TMEM106C: variants seen among roughly 807,000 people sequenced by gnomAD.
TMEM106C encodes transmembrane protein 106C.
TMEM106C carries 27 observed loss-of-function variants against 30.8 expected under a neutral mutation model. The ratio of observed to expected loss-of-function variants is 0.88; its 90% CI spans 0.65 to 1.21. The LOEUF (loss-of-function observed/expected upper bound fraction) is 1.21. Among genes scored for constraint, TMEM106C ranks in the 50% most tolerant of loss-of-function variants. The pLI is 0.00. For missense variants in TMEM106C, 288 were observed against 307.8 expected (o/e 0.94, Z 0.48); for synonymous variants, 123 against 118.8 (o/e 1.04, Z -0.23).
Position 47,968,799 on chromosome 12 carries a change from G to A in TMEM106C, c.*570G>A, listed in dbSNP as rs906762223. ...AATTGTTTTTACCAAGAGTCTATGT[G>A]GGGCTTGATTCACCCTTCATCCATT... On this transcript the variant is annotated 3_prime_UTR_variant, in exon 8 of 8. Transcript: ENST00000429772. 1 of 162,102 alleles carries A rather than the reference G, an allele frequency of 6.2e-6. No individual in the cohort carries two copies. Among genetic ancestry groups the A allele is most frequent in the African/African-American group, 2.4e-5 (1 of 41,222 alleles). 10.0% of individuals were successfully genotyped at this position (162,102 alleles called of 1,614,324 possible). A position where few individuals can be genotyped will look rare whatever the true frequency, so the allele number is the denominator to read the frequency against.
Position 47,966,154 on chromosome 12 carries a change from T to A in TMEM106C, c.477T>A (p.Ile159=). The change falls in exon 5 of 8, where the codon ATT becomes ATA. Residue 159 remains isoleucine, a synonymous_variant. Coordinates refer to ENST00000429772, the MANE Select transcript of TMEM106C (RefSeq NM_001143842.2). The stretch of plus-strand genomic sequence containing the variant: ...CAGTGACCAGCCTGTCCAGCCAGAT[T>A]CAGTACATGAACACAGTGGTCAGTA... ...TVAVTSLSSQ[I]QYMNTVVSTY... The A allele has an allele frequency of 9.3e-6, 15 of 1,614,228 alleles. No homozygotes were observed. The highest frequency in any genetic ancestry group is 1.3e-5 in the Non-Finnish European group (15 of 1,180,040).
chr12:47,967,061 G>C, intron 6 of TMEM106C, 147 bp from the exon 7 acceptor site: 2 of 801,730 alleles, frequency 2.5e-6, no homozygotes, highest in Non-Finnish European at 4.2e-6. Flanking sequence ...AATGACAGTG[G>C]CAGGGACTGA....
rs1356322092 is a variant in TMEM106C at position 47,965,328 on chromosome 12, A to T, written c.234A>T (p.Arg78Ser). Residue 78 changes from arginine to serine, a missense_variant, in exon 3 of 8, where the codon AGA (arginine) becomes AGT (serine). Coordinates refer to ENST00000429772, the MANE Select transcript of TMEM106C (RefSeq NM_001143842.2). ...CTTTGATCCCACACAGTGATCAGAG[A>T]TTGCGCCCTCAGCGAACGTGAGTTA... The part of the protein sequence containing the change: ...LVALIPHSDQ[R>S]LRPQRTKQYV... The T allele has an allele frequency of 1.2e-6, 2 of 1,614,134 alleles. No individual in the cohort carries two copies. The highest frequency in any genetic ancestry group is 1.7e-6 in the Non-Finnish European group (2 of 1,179,992).
rs201954504 is a variant in TMEM106C, at chr12:47,968,256, C to T, written c.*27C>T. On this transcript the variant is annotated 3_prime_UTR_variant, in exon 8 of 8. Transcript: ENST00000429772. ...AACTGCTATTGGTTCTTCCACACAGCGCCTGTAGAAGAGAGCACAGCATAT... is the reference window on the plus strand; with the variant it reads ...AACTGCTATTGGTTCTTCCACACAGTGCCTGTAGAAGAGAGCACAGCATAT... 10 of 1,545,042 alleles carry T rather than the reference C, an allele frequency of 6.5e-6. No homozygotes were observed. The highest frequency in any genetic ancestry group is 4.5e-5 in the East Asian group (2 of 44,526).
At chr12:47,965,522 A>T (rs1290642016) in intron 3 of TMEM106C, 177 bp downstream of exon 3, 14 of 674,952 alleles carry the variant, frequency 2.1e-5, no homozygotes, top group Non-Finnish European at 3.5e-5. Flanking sequence ...GGGGAAAGAA[A>T]CTTGAAGCTG....
chr12:47,968,021 C>A (rs2079296), intron 7 of TMEM106C, 112 bp from the exon 8 acceptor site: 2 of 708,518 alleles, frequency 2.8e-6, no homozygotes, highest in Admixed American at 4.3e-5. Flanking sequence ...GGATATGTGC[C>A]TGGGGCCCGT....
chr12:47,966,061 A>T, intron 4 of TMEM106C, 28 bp from the exon 5 acceptor site: 1 of 1,614,170 alleles, frequency 6.2e-7, no homozygotes. Flanking sequence ...GGACACTTAC[A>T]CTTGTTTCCT....
Position 47,963,994 on chromosome 12 carries a change from C to A in TMEM106C, c.-28-215C>A, listed in dbSNP as rs1489425179. 1.1e-5 allele frequency: 6 copies of A among 547,212 alleles called. No individual in the cohort carries two copies. The East Asian group carries it at 1.9e-4, about 18-fold the overall frequency. 33.9% of individuals were successfully genotyped at this position (547,212 alleles called of 1,614,324 possible). A position where few individuals can be genotyped will look rare whatever the true frequency, so the allele number is the denominator to read the frequency against. ...GGTGCGTGAAAGGCAGGCCCCGTTC[C>A]CCCTCCCCACCCCCGCCGGCTGTGT... On this transcript the variant is annotated intron_variant, in intron 1 of 7. Transcript: ENST00000429772.
In TMEM106C at chr12:47,968,195, A is replaced by T. The variant is rs201884806; in HGVS notation, c.719A>T (p.Tyr240Phe). The T allele has an allele frequency of 1.5e-5, 25 of 1,613,932 alleles. No homozygotes were observed. In the Middle Eastern group the frequency reaches 1.2e-3, roughly 74 times the overall value. Reference protein sequence around the residue: ...MTQSSLETHHYVDCGGNSTAI With the variant: ...MTQSSLETHHFVDCGGNSTAI ...CAGAGCTCCTTGGAGACACATCACT[A>T]TGTGGATTGTGGAGGAAATTCCACA... The change falls in exon 8 of 8, where the codon TAT (tyrosine) becomes TTT (phenylalanine). Residue 240 changes from tyrosine (Y) to phenylalanine (F), a missense_variant. By Grantham distance (22) the Tyr-to-Phe change is conservative (BLOSUM62 3). Transcript: ENST00000429772.
At chr12:47,966,885 GTAT>G (rs1938245564) in intron 6 of TMEM106C, 153 bp downstream of exon 6, 1 of 737,004 alleles carries the variant, frequency 1.4e-6, no homozygotes, top group Non-Finnish European at 2.3e-6. Flanking sequence ...TTTGAAGAAT[GTAT>G]TATTATTATG....
chr12:47,966,283 G>C lies in TMEM106C; in HGVS notation c.552+54G>C, dbSNP rs1014785091. 3.1e-6 allele frequency: 5 copies of C among 1,593,958 alleles called. No individual in the cohort carries two copies. The African/African-American group carries it at 5.4e-5, about 17-fold the overall frequency. Reference sequence around the variant, plus strand: ...CACAGGCCTAAGAGAAGAGTAGGGGGCTGTAGGAATGCCATAGCTGTGTCA... The same window carrying C: ...CACAGGCCTAAGAGAAGAGTAGGGGCCTGTAGGAATGCCATAGCTGTGTCA... On this transcript the variant is annotated intron_variant, in intron 5 of 7. Transcript: ENST00000429772.
chr12:47,967,161 C>CT (rs760831896), intron 6 of TMEM106C, 47 bp from the exon 7 acceptor site: 1 of 1,527,080 alleles, frequency 6.5e-7, no homozygotes, highest in Non-Finnish European at 8.9e-7. Flanking sequence ...TCTACTGAGG[C>CT]TTTAAAAAAA....
intron 3 of TMEM106C, 91 bp downstream of exon 3, chr12:47,965,436 C>A: frequency 8.4e-7 from 1 of 1,197,012 alleles, no homozygotes; most frequent in Non-Finnish European, 1.2e-6. Flanking sequence ...TTGAAAACTA[C>A]ACATGTTCTT....
In TMEM106C at chr12:47,964,281, G is replaced by A. The variant is rs1938146340; in HGVS notation, c.45G>A (p.Arg15=). 1 of 1,614,028 alleles carries A rather than the reference G, an allele frequency of 6.2e-7. No individual in the cohort carries two copies. Among genetic ancestry groups the A allele is most frequent in the Non-Finnish European group, 8.5e-7 (1 of 1,179,956 alleles). The change falls in exon 2 of 8, where the codon AGG becomes AGA. Residue 15 remains arginine, a synonymous_variant. Coordinates refer to ENST00000429772, the MANE Select transcript of TMEM106C (RefSeq NM_001143842.2). ...HSAAARPSSC[R]RKQEDDRDGL... ...CTGCTGCTCGCCCCTCCTCCTGCAG[G>A]CGAAAGCAAGAAGATGACAGGGACG...
rs772110035 is a variant in TMEM106C at position 47,964,377 on chromosome 12, T to G, written c.141T>G (p.Asp47Glu). 5 of 1,614,010 alleles carry G rather than the reference T, an allele frequency of 3.1e-6. No individual in the cohort carries two copies. The highest frequency in any genetic ancestry group is 1.7e-5 in the Admixed American group (1 of 59,990). Residue 47 changes from aspartate to glutamate, a missense_variant, in exon 2 of 8, where the codon GAT becomes GAG. Transcript: ENST00000429772. ...QFPYVEFTGR[D>E]SITCLTCQGT... ...CATATGTGGAATTCACCGGGAGAGA[T>G]AGCATCACCTGTCTCACGTGCCAGG...
At position 47,966,743 on chromosome 12, in the gene TMEM106C, T is replaced by G; in HGVS notation, c.602+11T>G. On this transcript the variant is annotated intron_variant, in intron 6 of 7. Transcript: ENST00000429772. ...GTTTTCCTATGTGTAGTAAGGACAC[T>G]GTTCTCTCTGTGTGTGCTCTCTACT... 6.2e-7 allele frequency: 1 copy of G among 1,613,880 alleles called. No individual in the cohort carries two copies. The highest frequency in any genetic ancestry group is 8.5e-7 in the Non-Finnish European group (1 of 1,179,752).
In TMEM106C at chr12:47,964,311, G is replaced by T. The variant is rs145638365; in HGVS notation, c.75G>T (p.Leu25Phe). 4 of 1,614,034 alleles carry T rather than the reference G, an allele frequency of 2.5e-6. No individual in the cohort carries two copies. The highest frequency in any genetic ancestry group is 3.4e-6 in the Non-Finnish European group (4 of 1,180,016). ...AGCAAGAAGATGACAGGGACGGTTT[G>T]CTGGCTGAACGAGAGCAGGAAGAAG... ...RRKQEDDRDG[L>F]LAEREQEEAI... Residue 25 changes from leucine (L) to phenylalanine (F), a missense_variant, in exon 2 of 8, where the codon TTG becomes TTT. Coordinates refer to ENST00000429772, the MANE Select transcript of TMEM106C (RefSeq NM_001143842.2).
At chr12:47,964,059 T>A (rs1938136963) in intron 1 of TMEM106C, 150 bp from the exon 2 acceptor site, 1 of 651,474 alleles carries the variant, frequency 1.5e-6, no homozygotes, top group East Asian at 2.8e-5. Context: ...TACTACAAAA[T>A]GAGGGTCCCG....
chr12:47,966,854 C>A, intron 6 of TMEM106C, 122 bp downstream of exon 6: 1 of 936,016 alleles, frequency 1.1e-6, no homozygotes, highest in Non-Finnish European at 1.7e-6. Context: ...GGTTCCCTGG[C>A]TTTGGATGTC....
Sources: allele counts gnomAD v4.1 joint callset, GRCh38; gene constraint gnomAD v4.1.1; transcripts MANE v1.5; gene names NCBI Gene and HGNC (gene_info 2026-07-23, HGNC 2026-07-21).